Variants in BANP observed in about 807,000 individuals in gnomAD.
The protein encoded by BANP is BTG3 associated nuclear protein.
In BANP, 11 loss-of-function variants were observed where a neutral mutation model predicts 68.1. That is an observed-to-expected ratio of 0.16 (90% confidence interval 0.10 to 0.27). The LOEUF (loss-of-function observed/expected upper bound fraction) is 0.27, where lower values mean the gene tolerates loss of function less well. BANP is among the 10% of genes least tolerant of loss of function. The pLI is 1.00. For synonymous variants in BANP, 329 were observed against 303.2 expected (o/e 1.09, Z -0.88); for missense variants, 504 against 722.7 (o/e 0.70, Z 3.47).
rs1005108718 is a variant in BANP, at chr16:87,957,338, G to A, written c.-69+5823G>A. The stretch of plus-strand genomic sequence containing the variant: ...GGTGAAAGGCTGAGAGGAGGCTGCA[G>A]TGAAACACCTGAGGAAGGCTGGGCA... On this transcript the variant is annotated intron_variant, in intron 1 of 13. Transcript: ENST00000682872. This position sits in a 1 kb window ranked among gnomAD's most constrained non-coding sequence, Gnocchi z 4.3. Among the ~76,000 whole-genome samples the A allele has an allele frequency of 1.3e-5, 2 of 152,230 alleles. No individual in the cohort carries two copies. Among genetic ancestry groups the A allele is most frequent in the East Asian group, 3.9e-4 (2 of 5,192 alleles).
chr16:87,995,136 C>T (rs2066843227), intron 4 of BANP, among the ~76,000 whole-genome samples: 1 of 152,206 alleles, frequency 6.6e-6, no homozygotes, highest in Non-Finnish European at 1.5e-5. Context: ...TGTTAGAGTC[C>T]ATCAATGGAG....
chr16:87,980,244 T>A (rs1422216626), intron 2 of BANP, among the ~76,000 whole-genome samples: 3 of 152,178 alleles, frequency 2.0e-5, no homozygotes, highest in Non-Finnish European at 4.4e-5. Context: ...GTGTAAATTT[T>A]AAAAAATTGA....
intron 8 of BANP, among the ~76,000 whole-genome samples, chr16:88,030,699 G>T (rs968003677): frequency 2.2e-4 from 34 of 152,218 alleles, no homozygotes; most frequent in African/African-American, 7.7e-4. Context: ...AGCGTGTGAA[G>T]CCGAGTGTTT....
chr16:88,021,842 C>G (rs1021163637), intron 7 of BANP, among the ~76,000 whole-genome samples: 1 of 152,164 alleles, frequency 6.6e-6, no homozygotes, highest in African/African-American at 2.4e-5. Context: ...AGGCAGCTCA[C>G]GAGGGAGAAG....
chr16:87,966,670 C>G (rs890655586), intron 1 of BANP: 2 of 152,196 alleles, frequency 1.3e-5, no homozygotes, highest in Non-Finnish European at 2.9e-5. Flanking sequence ...CTTTTAGAAA[C>G]TAGCAAAAAG....
chr16:88,052,152 C>T (rs1018008997), intron 11 of BANP, among the ~76,000 whole-genome samples: 6 of 152,228 alleles, frequency 3.9e-5, no homozygotes, highest in African/African-American at 1.2e-4. Context: ...TAAATTGTTA[C>T]TAAAGAAAAT....
intron 7 of BANP, among the ~76,000 whole-genome samples, chr16:88,022,142 A>G (rs1255116449): frequency 6.6e-6 from 1 of 152,184 alleles, no homozygotes; most frequent in African/African-American, 2.4e-5. Flanking sequence ...ACCTTGGAGC[A>G]TTTTCCTAAG....
In BANP at chr16:87,985,220, A is replaced by G. The variant is rs527292533; in HGVS notation, c.362+961A>G. ...TGACGGCTGCTGTGCTGGCCGAAGC[A>G]GTGGTGCCTCTTTGAACTCTCGGGC... On this transcript the variant is annotated intron_variant, in intron 4 of 13. Coordinates refer to ENST00000682872, the MANE Select transcript of BANP (RefSeq NM_001386991.1). Among the ~76,000 whole-genome samples, 171 of 152,240 alleles carry G rather than the reference A, an allele frequency of 1.1e-3. 1 individual carries two copies. The Middle Eastern group carries it at 0.014, about 12-fold the overall frequency.
Position 88,006,167 on chromosome 16 carries a change from A to C in BANP, c.557A>C (p.Glu186Ala). Residue 186 changes from glutamate (E) to alanine (A), a missense_variant, in exon 6 of 14, where the codon GAG becomes GCG. By Grantham distance (107) the Glu-to-Ala change is moderately radical (BLOSUM62 -1). This residue lies in a region of BANP where 238 missense variants were observed against 278.9 expected (regional missense o/e 0.85). Coordinates refer to ENST00000682872, the MANE Select transcript of BANP (RefSeq NM_001386991.1). ...GAAGACAGCCACCACGAGGACGGGG[A>C]GAGCGGCTCGGAGGCCAGCGACTCT... ...GQEDSHHEDG[E>A]SGSEASDSVS... is the part of the protein sequence containing the mutation. 1.2e-6 allele frequency: 2 copies of C among 1,613,956 alleles called. No individual in the cohort carries two copies. Among genetic ancestry groups the C allele is most frequent in the Admixed American group, 1.7e-5 (1 of 60,022 alleles).
rs1166022665 is a variant in BANP, at chr16:88,071,843, A to T, written c.1378-226A>T. On this transcript the variant is annotated intron_variant, in intron 12 of 13. Coordinates refer to ENST00000682872, the MANE Select transcript of BANP (RefSeq NM_001386991.1). The surrounding 1 kb of genome is among the most constrained non-coding windows in gnomAD (Gnocchi z 6.5). ...TAGGTGCTTGAGGGCGGAGTTGCAG[A>T]TCCAGCAGAGACTCGATGGCACTCT... The T allele has an allele frequency of 1.4e-6, 1 of 705,824 alleles. No individual in the cohort carries two copies. Among genetic ancestry groups the T allele is most frequent in the South Asian group, 1.5e-5 (1 of 66,784 alleles). 43.7% of individuals were successfully genotyped at this position (705,824 alleles called of 1,614,324 possible). A position where few individuals can be genotyped will look rare whatever the true frequency, so the allele number is the denominator to read the frequency against.
chr16:88,034,136 C>G (rs1362398845), intron 9 of BANP, among the ~76,000 whole-genome samples: 1 of 152,186 alleles, frequency 6.6e-6, no homozygotes, highest in Non-Finnish European at 1.5e-5. Flanking sequence ...AGAGGGAAGG[C>G]TTCCGGAAAA....
chr16:88,054,159 C>CACT (rs2084256520), intron 11 of BANP, among the ~76,000 whole-genome samples: 2 of 116,974 alleles, frequency 1.7e-5, no homozygotes, highest in African/African-American at 6.1e-5. Context: ...CCACCTCCAC[C>CACT]ATCATCTCCA....
chr16:87,950,021 G>A (rs910290014), upstream of BANP, among the ~76,000 whole-genome samples: 6 of 151,990 alleles, frequency 3.9e-5, no homozygotes, highest in Admixed American at 2.0e-4. Flanking sequence ...GGGACTACAG[G>A]CGCCTGCCAC....
chr16:87,996,787 C>G (rs2067374126), intron 4 of BANP, among the ~76,000 whole-genome samples: 1 of 152,260 alleles, frequency 6.6e-6, no homozygotes. Flanking sequence ...TTTCAAGGCT[C>G]TGCTTCAGAA....
At position 87,984,254 on chromosome 16, in the gene BANP, G is replaced by A; in HGVS notation, c.357G>A (p.Val119=). Residue 119 remains valine, a synonymous_variant, in exon 4 of 14, where the codon GTG becomes GTA. Transcript: ENST00000682872. ...GGGCAACCCAGACGTGCAACAAAGTGCGATGGTAAGAACAGACCAGGGTGC... is the reference window on the plus strand; with the variant it reads ...GGGCAACCCAGACGTGCAACAAAGTACGATGGTAAGAACAGACCAGGGTGC... ...PLGATQTCNK[V]RCVVPQTTVI... 6.3e-7 allele frequency: 1 copy of A among 1,581,324 alleles called. No individual in the cohort carries two copies. The highest frequency in any genetic ancestry group is 8.6e-7 in the Non-Finnish European group (1 of 1,162,390).
chr16:88,076,733 C>A lies in BANP; in HGVS notation c.*72C>A. On this transcript the variant is annotated 3_prime_UTR_variant, in exon 14 of 14. Coordinates refer to ENST00000682872, the MANE Select transcript of BANP (RefSeq NM_001386991.1). ...CCGGCCCCCACGCGCCCTGCTCTCA[C>A]GGCCTCGGCACAGGCAGCGGCTGCA... 1 of 1,301,012 alleles carries A rather than the reference C, an allele frequency of 7.7e-7. No homozygotes were observed. Among genetic ancestry groups the A allele is most frequent in the South Asian group, 1.3e-5 (1 of 74,958 alleles). The allele number at this position is 1,301,012 out of a possible 1,614,324, so 80.6% of individuals were successfully genotyped here. A position where few individuals can be genotyped will look rare whatever the true frequency, so the allele number is the denominator to read the frequency against.
chr16:87,990,844 C>G (rs553574616), intron 4 of BANP, among the ~76,000 whole-genome samples: 42 of 152,222 alleles, frequency 2.8e-4, no homozygotes, highest in South Asian at 6.2e-4. Context: ...CTCACTGCAA[C>G]CTCCGCCTCC....
chr16:88,019,412 G>T (rs1301172445), intron 7 of BANP, among the ~76,000 whole-genome samples: 5 of 151,990 alleles, frequency 3.3e-5, no homozygotes, highest in African/African-American at 1.2e-4. Flanking sequence ...GGGAGGGTGT[G>T]GGAGGGTGCA....
intron 4 of BANP, among the ~76,000 whole-genome samples, chr16:87,997,334 TG>T (rs2067543556): frequency 3.9e-5 from 6 of 152,208 alleles, no homozygotes; most frequent in Admixed American, 3.3e-4. Context: ...GTTGTAGCAG[TG>T]GTTGAAATAG....
Sources: gnomAD v4.1 joint callset for allele counts (sites outside exome capture counted in the v4.1 genomes callset) on GRCh38, gnomAD v4.1.1 for gene constraint, gnomAD v4.1.1 regional missense constraint, Gnocchi (gnomAD v3.1) non-coding constraint, MANE v1.5 for transcripts, NCBI Gene and HGNC (gene_info 2026-07-23, HGNC 2026-07-21) for gene names.